Variants in KIAA0319 observed in about 807,000 individuals in gnomAD.
The protein encoded by KIAA0319 is dyslexia-associated protein KIAA0319.
In KIAA0319, 83 loss-of-function variants were observed where a neutral mutation model predicts 108.4. That is an observed-to-expected ratio of 0.77 (90% CI 0.64 to 0.92). The LOEUF (loss-of-function observed/expected upper bound fraction) is 0.92, where lower values mean the gene tolerates loss of function less well. KIAA0319 is among the 40% of genes least tolerant of loss of function. KIAA0319 has a pLI of 0.00. For missense variants in KIAA0319, 1,195 were observed against 1,322.4 expected (o/e 0.90, Z 1.49); for synonymous variants, 484 against 510.4 (o/e 0.95, Z 0.70).
intron 17 of KIAA0319, among the ~76,000 whole-genome samples, chr6:24,558,316 A>T (rs962012193): frequency 6.6e-6 from 1 of 151,978 alleles, no homozygotes; most frequent in African/African-American, 2.4e-5. Context: ...AAATTAAGTT[A>T]CTCCATATTA....
intron 3 of KIAA0319, among the ~76,000 whole-genome samples, chr6:24,593,725 C>T (rs1340413240): frequency 3.3e-5 from 5 of 151,496 alleles, no homozygotes; most frequent in Non-Finnish European, 4.4e-5. Context: ...TTTAACAAAA[C>T]CAACCTCAAA....
At chr6:24,600,900 A>T (rs565465427) in intron 2 of KIAA0319, 149 bp downstream of exon 2, 1 of 1,040,572 alleles carries the variant, frequency 9.6e-7, no homozygotes, top group East Asian at 2.4e-5. Context: ...CCACTCATGC[A>T]TGAGGTCTGC....
intron 20 of KIAA0319, 31 bp from the exon 21 acceptor site, chr6:24,547,374 G>A (rs1474204457): frequency 6.3e-7 from 1 of 1,591,070 alleles, no homozygotes; most frequent in South Asian, 1.1e-5. Flanking sequence ...ATCTGAGGAG[G>A]AACGCCGTGA....
rs763795700 is a variant in KIAA0319, at chr6:24,559,058, T to G, written c.2689A>C (p.Lys897Gln). ...ACCTTGAAAAGCAAGAAGTCAGCCTTCTCCTTTGAGAGCCGCATGTGCAGA... is the reference window on the plus strand; with the variant it reads ...ACCTTGAAAAGCAAGAAGTCAGCCTGCTCCTTTGAGAGCCGCATGTGCAGA... ...RNLHMRLSKE[K>Q]ADFLLFKVLR... Residue 897 changes from lysine (K) to glutamine (Q), a missense_variant, in exon 17 of 21, where the codon AAG (lysine) becomes CAG (glutamine). Physicochemically the swap from Lys to Gln is moderately conservative, Grantham distance 53. Coordinates refer to ENST00000378214, the MANE Select transcript of KIAA0319 (RefSeq NM_014809.4). The G allele has an allele frequency of 1.2e-5, 19 of 1,613,256 alleles. No homozygotes were observed. The highest frequency in any genetic ancestry group is 1.6e-5 in the Non-Finnish European group (19 of 1,179,780).
intron 1 of KIAA0319, among the ~76,000 whole-genome samples, chr6:24,635,336 T>A (rs928537908): frequency 6.6e-6 from 1 of 152,118 alleles, no homozygotes; most frequent in Non-Finnish European, 1.5e-5. Context: ...GCTCCTGACC[T>A]CAGGTGACCC....
intron 3 of KIAA0319, among the ~76,000 whole-genome samples, 172 bp from the exon 4 acceptor site, chr6:24,588,957 T>C (rs2127502512): frequency 6.6e-6 from 1 of 152,328 alleles, no homozygotes; most frequent in East Asian, 1.9e-4. Flanking sequence ...AGTACTCTCT[T>C]TGCTGTCTAT....
At chr6:24,595,793 C>T (rs1048177348) in intron 3 of KIAA0319, 80 bp downstream of exon 3, 32 of 1,469,734 alleles carry the variant, frequency 2.2e-5, no homozygotes, top group South Asian at 2.1e-4. Flanking sequence ...AATGAGTGCC[C>T]GGCTCCTGAA....
intron 1 of KIAA0319, among the ~76,000 whole-genome samples, chr6:24,637,158 T>A (rs1424958428): frequency 1.3e-5 from 2 of 152,218 alleles, no homozygotes; most frequent in Non-Finnish European, 2.9e-5. Flanking sequence ...AGTGGTCCAG[T>A]CAAAGCAAAA....
intron 1 of KIAA0319, among the ~76,000 whole-genome samples, chr6:24,620,768 C>G (rs1338879741): frequency 6.6e-6 from 1 of 152,168 alleles, no homozygotes; most frequent in Non-Finnish European, 1.5e-5. Context: ...TATGCTAATT[C>G]TATTGGATAA....
intron 3 of KIAA0319, among the ~76,000 whole-genome samples, chr6:24,593,710 T>C (rs1428407058): frequency 6.6e-6 from 1 of 151,742 alleles, no homozygotes; most frequent in Non-Finnish European, 1.5e-5. Flanking sequence ...CCTGAATAAT[T>C]ATCTTTTAAC....
At chr6:24,639,318 C>T (rs1776615534) in intron 1 of KIAA0319, among the ~76,000 whole-genome samples, 1 of 152,018 alleles carries the variant, frequency 6.6e-6, no homozygotes, top group Non-Finnish European at 1.5e-5. Context: ...ATCAGACTGA[C>T]AGCAATATTT....
intron 1 of KIAA0319, among the ~76,000 whole-genome samples, chr6:24,601,518 G>C (rs1770618999): frequency 1.3e-5 from 2 of 152,204 alleles, no homozygotes; most frequent in Non-Finnish European, 1.5e-5. Flanking sequence ...ACCATCACTT[G>C]TTTTTGGCAG....
At chr6:24,550,285 C>T (rs559802520) in intron 20 of KIAA0319, among the ~76,000 whole-genome samples, 1 of 152,258 alleles carries the variant, frequency 6.6e-6, no homozygotes, top group Non-Finnish European at 1.5e-5. Context: ...GCTTCCTCCT[C>T]TCCCAGTCTC....
chr6:24,572,766 G>C, intron 10 of KIAA0319, 68 bp from the exon 11 acceptor site: 1 of 1,384,986 alleles, frequency 7.2e-7, no homozygotes. Flanking sequence ...CAAGTAAATA[G>C]TATGACAGAA....
At position 24,586,381 on chromosome 6, in the gene KIAA0319, C is replaced by T. The variant is rs577638686; in HGVS notation, c.994+2212G>A. Among the ~76,000 whole-genome samples, 6 of 152,300 alleles carry T rather than the reference C, an allele frequency of 3.9e-5. No homozygotes were observed. In the East Asian group the frequency reaches 5.8e-4, roughly 15 times the overall value. ...AGCTCTGAAAACAGAGTAGAAGTTA[C>T]TCCTTTGTAAGGGGAATTTATATCT... On this transcript the variant is annotated intron_variant, in intron 4 of 20. Coordinates refer to ENST00000378214, the MANE Select transcript of KIAA0319 (RefSeq NM_014809.4).
intron 4 of KIAA0319, 98 bp downstream of exon 4, chr6:24,588,495 G>A: frequency 3.2e-6 from 3 of 952,166 alleles, no homozygotes; most frequent in Non-Finnish European, 4.9e-6. Flanking sequence ...GCTGAAAAAT[G>A]TGCCTGGAGG....
intron 10 of KIAA0319, among the ~76,000 whole-genome samples, chr6:24,574,533 G>A (rs1433160984): frequency 6.6e-6 from 1 of 152,166 alleles, no homozygotes; most frequent in Non-Finnish European, 1.5e-5. Context: ...TACACTTGGT[G>A]ACCTCAGGTT....
intron 14 of KIAA0319, among the ~76,000 whole-genome samples, chr6:24,564,975 T>C (rs1037187127): frequency 2.6e-5 from 4 of 152,150 alleles, no homozygotes; most frequent in Non-Finnish European, 5.9e-5. Context: ...TGGCAGGGCA[T>C]GGTGGCTCAC....
At chr6:24,549,326 CA>C (rs35975247) in intron 20 of KIAA0319, among the ~76,000 whole-genome samples, 192 of 115,558 alleles carry the variant, frequency 1.7e-3, no homozygotes, top group Middle Eastern at 4.5e-3. Flanking sequence ...ACTCTGTCTC[CA>C]AAAAAAAAAA....
Sources: allele counts gnomAD v4.1 joint callset (sites outside exome capture counted in the v4.1 genomes callset), GRCh38; gene constraint gnomAD v4.1.1; transcripts MANE v1.5; gene names NCBI Gene and HGNC (gene_info 2026-07-23, HGNC 2026-07-21).